Variants in LIN7A observed in about 807,000 individuals in gnomAD.
The protein encoded by LIN7A is lin-7 cell polarity scaffold A, also known as protein lin-7 homolog A.
Under a neutral mutation model 29.8 loss-of-function variants are expected in LIN7A, and 25 were observed. That is an observed-to-expected ratio of 0.84 (90% CI 0.61 to 1.17). The LOEUF is 1.17. Ranked by LOEUF, LIN7A falls within the 50% of genes most tolerant of loss-of-function variation. LIN7A has a pLI of 0.00. For synonymous variants in LIN7A, 118 were observed against 107.5 expected (o/e 1.10, Z -0.60); for missense variants, 239 against 287.0 (o/e 0.83, Z 1.21).
At chr12:80,841,386 A>G (rs868258312) in intron 4 of LIN7A, among the ~76,000 whole-genome samples, 2 of 149,820 alleles carry the variant, frequency 1.3e-5, no homozygotes, top group African/African-American at 4.9e-5. Context: ...GAAGGAAGGA[A>G]GGAAGGAAGG....
At chr12:80,825,620 G>C (rs1331074282) in intron 4 of LIN7A, among the ~76,000 whole-genome samples, 1 of 152,154 alleles carries the variant, frequency 6.6e-6, no homozygotes, top group African/African-American at 2.4e-5. Context: ...TAGCCTATAG[G>C]AAGTTTTTGA....
chr12:80,806,237 A>G (rs1027045894), intron 5 of LIN7A, among the ~76,000 whole-genome samples: 1 of 152,128 alleles, frequency 6.6e-6, no homozygotes, highest in African/African-American at 2.4e-5. Flanking sequence ...CTTTCTCAAA[A>G]AAAGTGGGTA....
intron 1 of LIN7A, among the ~76,000 whole-genome samples, chr12:80,911,715 A>G (rs1876757015): frequency 6.6e-6 from 1 of 152,302 alleles, no homozygotes; most frequent in East Asian, 1.9e-4. Flanking sequence ...TTTATAGTAA[A>G]TAGCTTGGTA....
At chr12:80,861,064 A>G (rs1007140454) in intron 2 of LIN7A, 19 of 152,360 alleles carry the variant, frequency 1.2e-4, no homozygotes, top group Admixed American at 7.8e-4. Context: ...CAGAGACTTA[A>G]TGTAACTGCT....
At chr12:80,797,842 G>A (rs1017101303) in intron 5 of LIN7A, 116 bp from the exon 6 acceptor site, 7 of 152,548 alleles carry the variant, frequency 4.6e-5, no homozygotes, top group African/African-American at 1.7e-4. Context: ...ATTATTTTGG[G>A]TGCTATCATT....
chr12:80,833,290 C>T (rs1872459121), intron 4 of LIN7A, among the ~76,000 whole-genome samples: 1 of 152,176 alleles, frequency 6.6e-6, no homozygotes, highest in African/African-American at 2.4e-5. Flanking sequence ...TTGTCAGAAA[C>T]CCAAGAGTTC....
At chr12:80,893,386 G>GT (rs536082571) in intron 1 of LIN7A, among the ~76,000 whole-genome samples, 3 of 152,098 alleles carry the variant, frequency 2.0e-5, no homozygotes, top group Admixed American at 1.3e-4. Flanking sequence ...ACAAGTTGTT[G>GT]TTTTTTTAAT....
chr12:80,806,968 T>C (rs2121507202), intron 5 of LIN7A, among the ~76,000 whole-genome samples: 1 of 151,686 alleles, frequency 6.6e-6, no homozygotes, highest in South Asian at 2.1e-4. Context: ...CTACTATATC[T>C]CATGCCAGAA....
intron 1 of LIN7A, among the ~76,000 whole-genome samples, chr12:80,892,234 C>T (rs1253991529): frequency 6.6e-6 from 1 of 152,158 alleles, no homozygotes. Flanking sequence ...TGTGTCTTGG[C>T]ACATATCATC....
chr12:80,907,270 C>T (rs1876534726), intron 1 of LIN7A, among the ~76,000 whole-genome samples: 1 of 151,996 alleles, frequency 6.6e-6, no homozygotes, highest in African/African-American at 2.4e-5. Context: ...GCAGTAACAC[C>T]CTTTTTATCT....
At chr12:80,859,027 A>C (rs1873738243) in intron 2 of LIN7A, among the ~76,000 whole-genome samples, 1 of 152,188 alleles carries the variant, frequency 6.6e-6, no homozygotes. Flanking sequence ...GATTGAATTA[A>C]AATTATTATA....
chr12:80,871,896 G>A (rs970383423), intron 2 of LIN7A, among the ~76,000 whole-genome samples: 2 of 151,808 alleles, frequency 1.3e-5, no homozygotes, highest in African/African-American at 2.4e-5. Flanking sequence ...AATATTAGTT[G>A]ATATTTAAAG....
intron 3 of LIN7A, chr12:80,848,034 A>G: frequency 3.0e-6 from 2 of 657,118 alleles, no homozygotes; most frequent in Non-Finnish European, 5.6e-6. Context: ...AGTTTAATGA[A>G]ATCATTCTCC....
At chr12:80,842,062 A>C in intron 4 of LIN7A, 1 of 1,286,498 alleles carries the variant, frequency 7.8e-7, no homozygotes, top group South Asian at 1.2e-5. Context: ...TAGGGATAGA[A>C]AAAATTTTCT....
Position 80,797,629 on chromosome 12 carries a change from A to T in LIN7A, c.*98T>A, listed in dbSNP as rs1286965704. ...TGTTCACAGCTTCTTGACAGGTATA[A>T]TTATCAGTGTTGTCTTTTACTATGT... On this transcript the variant is annotated 3_prime_UTR_variant, in exon 6 of 6. Coordinates refer to ENST00000552864, the MANE Select transcript of LIN7A (RefSeq NM_004664.4). The T allele has an allele frequency of 6.6e-6, 1 of 152,618 alleles. No individual in the cohort carries two copies. The highest frequency in any genetic ancestry group is 1.5e-5 in the Non-Finnish European group (1 of 68,044). The allele number at this position is 152,618 out of a possible 1,614,324, so 9.5% of individuals were successfully genotyped here. A position where few individuals can be genotyped will look rare whatever the true frequency, so the allele number is the denominator to read the frequency against.
intron 1 of LIN7A, among the ~76,000 whole-genome samples, chr12:80,913,884 C>T (rs1417295800): frequency 6.6e-6 from 1 of 152,064 alleles, no homozygotes; most frequent in Non-Finnish European, 1.5e-5. Flanking sequence ...TGAGATTATT[C>T]TCTATCATTA....
intron 4 of LIN7A, among the ~76,000 whole-genome samples, chr12:80,818,056 T>A (rs1226121542): frequency 6.6e-6 from 1 of 152,220 alleles, no homozygotes; most frequent in Non-Finnish European, 1.5e-5. Flanking sequence ...AAAGGCCCAG[T>A]ATAACCAAGC....
chr12:80,806,364 T>G (rs1301126736), intron 5 of LIN7A, among the ~76,000 whole-genome samples: 1 of 152,172 alleles, frequency 6.6e-6, no homozygotes, highest in African/African-American at 2.4e-5. Flanking sequence ...TATTATCAAA[T>G]ATAGAAGTTA....
At chr12:80,825,765 C>T (rs576698613) in intron 4 of LIN7A, among the ~76,000 whole-genome samples, 96 of 152,034 alleles carry the variant, frequency 6.3e-4, no homozygotes, top group African/African-American at 2.3e-3. Flanking sequence ...AAGTATCTTA[C>T]TCTAGTGAGC....
Sources: allele counts gnomAD v4.1 joint callset (sites outside exome capture counted in the v4.1 genomes callset), GRCh38; gene constraint gnomAD v4.1.1; transcripts MANE v1.5; gene names NCBI Gene and HGNC (gene_info 2026-07-23, HGNC 2026-07-21).